The following TRIM2 variants were observed in gnomAD, a reference collection of about 807,000 sequenced individuals.
TRIM2 encodes tripartite motif-containing protein 2.
A neutral mutation model predicts 75.2 loss-of-function variants in TRIM2; 20 were observed. The ratio of observed to expected loss-of-function variants is 0.27; its 90% CI spans 0.19 to 0.39. TRIM2 has a LOEUF of 0.39. TRIM2 is among the 10% of genes least tolerant of loss of function. TRIM2 has a pLI of 1.00. For missense variants in TRIM2, 660 were observed against 990.8 expected (o/e 0.67, Z 4.48); for synonymous variants, 373 against 388.3 (o/e 0.96, Z 0.46).
intron 1 of TRIM2, among the ~76,000 whole-genome samples, chr4:153,246,413 G>A (rs1749161206): frequency 6.6e-6 from 1 of 152,152 alleles, no homozygotes; most frequent in Non-Finnish European, 1.5e-5. Flanking sequence ...CAACATGCCT[G>A]TATTTCCTAG....
At chr4:153,268,494 A>T (rs1288998448) in intron 1 of TRIM2, among the ~76,000 whole-genome samples, 1 of 152,194 alleles carries the variant, frequency 6.6e-6, no homozygotes, top group Non-Finnish European at 1.5e-5. Flanking sequence ...GATCTCTTTC[A>T]CTGCCATAAT....
At chr4:153,224,397 G>A (rs1741565006) in intron 1 of TRIM2, among the ~76,000 whole-genome samples, 1 of 152,182 alleles carries the variant, frequency 6.6e-6, no homozygotes, top group African/African-American at 2.4e-5. Flanking sequence ...AGTCTTCTAG[G>A]TGAGGTAATC....
chr4:153,220,669 A>G (rs1739708389), intron 1 of TRIM2, among the ~76,000 whole-genome samples: 1 of 152,220 alleles, frequency 6.6e-6, no homozygotes, highest in Admixed American at 6.5e-5. Context: ...TGTAACAAAT[A>G]GTAAGTTTTG....
intron 6 of TRIM2, among the ~76,000 whole-genome samples, chr4:153,308,926 G>A (rs1363531057): frequency 6.6e-6 from 1 of 152,078 alleles, no homozygotes; most frequent in Non-Finnish European, 1.5e-5. Context: ...GGCATCTTAG[G>A]TCATTATAGG....
chr4:153,204,989 G>C (rs763030727), intron 1 of TRIM2, among the ~76,000 whole-genome samples: 4 of 152,226 alleles, frequency 2.6e-5, no homozygotes, highest in Non-Finnish European at 5.9e-5. Flanking sequence ...ATATCTGCTA[G>C]TATTTTCAAA....
intron 1 of TRIM2, among the ~76,000 whole-genome samples, chr4:153,240,983 A>C (rs1746409945): frequency 6.6e-6 from 1 of 152,214 alleles, no homozygotes; most frequent in Non-Finnish European, 1.5e-5. Context: ...AGGCTGAGGC[A>C]GGAGAATCGC....
chr4:153,178,625 G>T (rs1036672587), intron 1 of TRIM2, among the ~76,000 whole-genome samples: 7 of 152,120 alleles, frequency 4.6e-5, no homozygotes, highest in African/African-American at 1.7e-4. Context: ...TAAGGCAGGG[G>T]ATAATACAGA....
At chr4:153,270,661 A>G (rs1395023086) in intron 2 of TRIM2, 142 bp downstream of exon 2, 3 of 717,368 alleles carry the variant, frequency 4.2e-6, no homozygotes, top group East Asian at 3.0e-5. Context: ...GAAAAACAGA[A>G]TCATGAGTTG....
upstream of TRIM2, among the ~76,000 whole-genome samples, chr4:153,201,358 T>A (rs1296712985): frequency 6.6e-6 from 1 of 152,192 alleles, no homozygotes; most frequent in Non-Finnish European, 1.5e-5. Context: ...TAGAGAAATA[T>A]CTATTTAAGA....
chr4:153,193,749 T>C (rs1486388359), intron 1 of TRIM2, among the ~76,000 whole-genome samples: 1 of 152,018 alleles, frequency 6.6e-6, no homozygotes, highest in African/African-American at 2.4e-5. Context: ...ATAACTGAAA[T>C]ATAGCAGAAA....
At position 153,276,058 on chromosome 4, in the gene TRIM2, G is replaced by A; in HGVS notation, c.381G>A (p.Glu127=). Reference sequence around the variant, plus strand: ...GAACTCCAGGCAGCAACGCTGAGGAGTCTTCCATCCTGGAGACAGTCACTG... The same window carrying A: ...GAACTCCAGGCAGCAACGCTGAGGAATCTTCCATCCTGGAGACAGTCACTG... ...LQRTPGSNAE[E]SSILETVTAV... Residue 127 remains glutamate (E), a synonymous_variant, in exon 3 of 12, where the codon GAG becomes GAA. Coordinates refer to ENST00000338700, the MANE Select transcript of TRIM2 (RefSeq NM_015271.5). 1 of 1,614,242 alleles carries A rather than the reference G, an allele frequency of 6.2e-7. No homozygotes were observed. The highest frequency in any genetic ancestry group is 2.2e-5 in the East Asian group (1 of 44,890).
intron 1 of TRIM2, among the ~76,000 whole-genome samples, chr4:153,176,280 C>G (rs1731426778): frequency 1.3e-5 from 2 of 151,900 alleles, no homozygotes; most frequent in Admixed American, 6.6e-5. Context: ...ACAGTGCGAC[C>G]TCATGTCTAC....
chr4:153,247,690 A>AAAAC (rs1749618097), intron 1 of TRIM2, among the ~76,000 whole-genome samples: 1 of 150,514 alleles, frequency 6.6e-6, no homozygotes, highest in Non-Finnish European at 1.5e-5. Flanking sequence ...AAAAAAAAAA[A>AAAAC]AAAAAAAAAA....
chr4:153,285,760 CGT>C (rs34272004), intron 3 of TRIM2, among the ~76,000 whole-genome samples: 35,366 of 150,108 alleles, frequency 0.24, 4,924 homozygotes, highest in African/African-American at 0.4. Context: ...AATGTGTGTG[CGT>C]GTGTGTGTGT....
intron 4 of TRIM2, 148 bp from the exon 5 acceptor site, chr4:153,294,157 T>C (rs1053491036): frequency 9.0e-6 from 7 of 780,578 alleles, no homozygotes; most frequent in African/African-American, 7.0e-5. Context: ...GCAGTAATTA[T>C]GTCATATCTT....
chr4:153,217,080 C>T lies in TRIM2; in HGVS notation c.30+12520C>T, dbSNP rs532104954. On this transcript the variant is annotated intron_variant, in intron 1 of 11. Coordinates refer to ENST00000338700, the MANE Select transcript of TRIM2 (RefSeq NM_015271.5). ...CAACTGAAAATTAAGCTTTGATTTT[C>T]CTTTCAAAGTGGCTCTTTTTTTCTG... is the stretch of plus-strand genomic sequence containing the variant. Among the ~76,000 whole-genome samples, 110 of 152,266 alleles carry T rather than the reference C, an allele frequency of 7.2e-4. 1 individual carries two copies. The highest frequency in any genetic ancestry group is 2.5e-3 in the South Asian group (12 of 4,826).
rs1276839621 is a variant in TRIM2, at chr4:153,248,879, G to C, written c.31-21456G>C. The stretch of plus-strand genomic sequence containing the variant: ...GGCTCCTACTTCAGTGTCACCTCCA[G>C]GTTTCAAAGCATGGAAACCCAAGCA... On this transcript the variant is annotated intron_variant, in intron 1 of 11. Transcript: ENST00000338700. This position sits in a 1 kb window ranked among gnomAD's most constrained non-coding sequence, Gnocchi z 4.0. Among the ~76,000 whole-genome samples the C allele has an allele frequency of 4.6e-5, 7 of 152,202 alleles. No homozygotes were observed. The highest frequency in any genetic ancestry group is 1.7e-4 in the African/African-American group (7 of 41,454).
At chr4:153,189,315 A>C (rs1732944475) in intron 1 of TRIM2, among the ~76,000 whole-genome samples, 2 of 152,256 alleles carry the variant, frequency 1.3e-5, no homozygotes, top group African/African-American at 4.8e-5. Context: ...ATGAGATTCA[A>C]GGGAGAGGAA....
intron 1 of TRIM2, among the ~76,000 whole-genome samples, chr4:153,241,434 G>A (rs1560867435): frequency 6.6e-6 from 1 of 152,214 alleles, no homozygotes; most frequent in African/African-American, 2.4e-5. Flanking sequence ...AGGTTTGTGG[G>A]CGAGACACCT....
Sources: allele counts gnomAD v4.1 joint callset (sites outside exome capture counted in the v4.1 genomes callset), GRCh38; gene constraint gnomAD v4.1.1; non-coding constraint Gnocchi (gnomAD v3.1); transcripts MANE v1.5; gene names NCBI Gene and HGNC (gene_info 2026-07-23, HGNC 2026-07-21).